Variants in STK11 observed in about 807,000 individuals in gnomAD.
The protein encoded by STK11 is serine/threonine kinase 11, also known as serine/threonine-protein kinase STK11.
STK11 carries 8 observed loss-of-function variants against 47.3 expected under a neutral mutation model. The observed-to-expected ratio is 0.17, with a 90% CI of 0.10 to 0.31. STK11 has a LOEUF of 0.31. Ranked by LOEUF, STK11 falls within the 10% of genes least tolerant of loss-of-function variation. STK11 has a pLI of 1.00. For missense variants in STK11, 475 were observed against 605.0 expected (o/e 0.79, Z 2.25); for synonymous variants, 330 against 255.8 (o/e 1.29, Z -2.77).
intron 7 of STK11, among the ~76,000 whole-genome samples, chr19:1,222,369 C>T (rs2080790947): frequency 6.6e-6 from 1 of 152,202 alleles, no homozygotes. Flanking sequence ...CAGCCCAGGG[C>T]CCCCAGCTCC....
chr19:1,216,024 C>T lies in STK11; in HGVS notation c.291-2393C>T, dbSNP rs532590926. On this transcript the variant is annotated intron_variant, in intron 1 of 9. Coordinates refer to ENST00000326873, the MANE Select transcript of STK11 (RefSeq NM_000455.5). ...TCGGGATTACAGGCGTGAGTCACCG[C>T]GCCTGGCCCCCCAGCTGTTTTTTAT... 1.8e-4 allele frequency among the ~76,000 whole-genome samples: 28 copies of T among 151,980 alleles called. 2 individuals carry two copies. The South Asian group carries it at 5.2e-3, about 28-fold the overall frequency.
At position 1,219,339 on chromosome 19, in the gene STK11, G is replaced by C; in HGVS notation, c.390G>C (p.Glu130Asp). 1 of 1,591,270 alleles carries C rather than the reference G, an allele frequency of 6.3e-7. No individual in the cohort carries two copies. The highest frequency in any genetic ancestry group is 8.6e-7 in the Non-Finnish European group (1 of 1,169,556). ...EEKQKMYMVM[E>D]YCVCGMQEML... is the part of the protein sequence containing the mutation. Reference sequence around the variant, plus strand: ...AGCGCCCCACGTATATGGTGATGGAGTACTGCGTGTGTGGCATGCAGGAAA... The same window carrying C: ...AGCGCCCCACGTATATGGTGATGGACTACTGCGTGTGTGGCATGCAGGAAA... The change falls in exon 3 of 10, where the codon GAG (glutamate) becomes GAC (aspartate). Residue 130 changes from glutamate to aspartate, a missense_variant. Physicochemically the swap from Glu to Asp is conservative, Grantham distance 45. This residue lies in a region of STK11 where 46 missense variants were observed against 45.5 expected (regional missense o/e 1.01). Coordinates refer to ENST00000326873, the MANE Select transcript of STK11 (RefSeq NM_000455.5).
chr19:1,213,651 G>A (rs1458301665), intron 1 of STK11, among the ~76,000 whole-genome samples: 8 of 152,220 alleles, frequency 5.3e-5, no homozygotes, highest in African/African-American at 1.4e-4. Flanking sequence ...GGAGGGCCAC[G>A]CTGCGTTTGA....
At chr19:1,225,950 G>A in intron 8 of STK11, 21 of 992,958 alleles carry the variant, frequency 2.1e-5, no homozygotes, top group Non-Finnish European at 2.5e-5. Context: ...GGGGGCAGCT[G>A]GGGGCCCTGG....
intron 1 of STK11, among the ~76,000 whole-genome samples, chr19:1,213,410 C>T (rs184022561): frequency 6.6e-6 from 1 of 152,202 alleles, no homozygotes; most frequent in African/African-American, 2.4e-5. Flanking sequence ...AAGGAAACCC[C>T]GTCTCTGTCA....
intron 8 of STK11, chr19:1,224,251 AG>A: frequency 4.1e-6 from 4 of 985,012 alleles, no homozygotes; most frequent in Non-Finnish European, 4.8e-6. Context: ...GCCCCCCAGG[AG>A]GGTACAGCGT....
At chr19:1,225,234 C>G (rs939888488) in intron 8 of STK11, 1 of 985,232 alleles carries the variant, frequency 1.0e-6, no homozygotes, top group East Asian at 1.1e-4. Flanking sequence ...AAGCTCAGAC[C>G]TATGGGTGCA....
At chr19:1,221,120 C>T (rs937519049) in intron 5 of STK11, 93 bp from the exon 6 acceptor site, 45 of 1,545,276 alleles carry the variant, frequency 2.9e-5, no homozygotes, top group Middle Eastern at 1.7e-4. Flanking sequence ...CCAGCAGCCA[C>T]GGGACGCCTC....
At position 1,226,375 on chromosome 19, in the gene STK11, G is replaced by A. The variant is rs530690483; in HGVS notation, c.1109-79G>A. ...GGGCAGCAGCTGTAAGTGCGTCCCC[G>A]TGGTGGGGGCCAGCCAGGTCCCTGT... On this transcript the variant is annotated intron_variant, in intron 8 of 9. Transcript: ENST00000326873. The A allele has an allele frequency of 2.7e-4, 415 of 1,553,906 alleles. 1 individual carries two copies. In the African/African-American group the frequency reaches 5.0e-3, roughly 19 times the overall value.
chr19:1,226,076 G>T, intron 8 of STK11: 1 of 1,062,294 alleles, frequency 9.4e-7, no homozygotes, highest in Non-Finnish European at 1.1e-6. Context: ...GCGGCTCCTG[G>T]GCCTCTAGAA....
chr19:1,208,192 G>A (rs546791393), intron 1 of STK11, among the ~76,000 whole-genome samples: 3 of 152,048 alleles, frequency 2.0e-5, no homozygotes, highest in African/African-American at 7.2e-5. Context: ...AAGGAGGTCC[G>A]GGGAGGGGCT....
chr19:1,222,962 C>A (rs2145430505), intron 7 of STK11, 23 bp from the exon 8 acceptor site: 2 of 1,526,686 alleles, frequency 1.3e-6, no homozygotes, highest in Non-Finnish European at 1.8e-6. Context: ...CTGACAGGCG[C>A]CACTGCTTCT....
intron 1 of STK11, among the ~76,000 whole-genome samples, chr19:1,207,684 G>C (rs2080677647): frequency 6.6e-6 from 1 of 152,170 alleles, no homozygotes; most frequent in African/African-American, 2.4e-5. Context: ...GGGAACCCTG[G>C]GCTGCCAAAA....
chr19:1,226,530 A>G lies in STK11; in HGVS notation c.1185A>G (p.Thr395=), dbSNP rs370207155. The change falls in exon 9 of 10, where the codon ACA becomes ACG. Residue 395 remains threonine (T), a synonymous_variant. Coordinates refer to ENST00000326873, the MANE Select transcript of STK11 (RefSeq NM_000455.5). The part of the protein sequence containing the change: ...GLPKAVCMNG[T]EAAQLSTKSR... ...CCAAGGCCGTGTGTATGAACGGCAC[A>G]GAGGCGGCGCAGCTGAGCACCAAAT... is the stretch of plus-strand genomic sequence containing the variant. 7.3e-4 allele frequency: 1,178 copies of G among 1,608,100 alleles called. No individual in the cohort carries two copies. The highest frequency in any genetic ancestry group is 8.9e-4 in the Non-Finnish European group (1,050 of 1,178,178).
intron 8 of STK11, chr19:1,225,955 C>G: frequency 1.0e-6 from 1 of 991,700 alleles, no homozygotes; most frequent in African/African-American, 1.7e-5. Flanking sequence ...CAGCTGGGGG[C>G]CCTGGCAGGC....
At chr19:1,227,395 G>C (rs1043240328) in intron 9 of STK11, 198 bp from the exon 10 acceptor site, 18 of 403,070 alleles carry the variant, frequency 4.5e-5, no homozygotes, top group Middle Eastern at 9.3e-4. Flanking sequence ...GTCAGAGCCC[G>C]CCAGGCCCCA....
Position 1,223,100 on chromosome 19 carries a change from G to A in STK11, c.1036G>A (p.Gly346Ser), listed in dbSNP as rs375431906. Residue 346 changes from glycine to serine, a missense_variant, in exon 8 of 10, where the codon GGC (glycine) becomes AGC (serine). Gly to Ser is a moderately conservative substitution (Grantham distance 56). Transcript: ENST00000326873. ...TVVPYLEDLH[G>S]ADEDEDLFDI... ...GGTGCCGTACTTGGAGGACCTGCACGGCGCGGACGAGGACGAGGACCTCTT... is the reference window on the plus strand; with the variant it reads ...GGTGCCGTACTTGGAGGACCTGCACAGCGCGGACGAGGACGAGGACCTCTT... 11 of 1,611,044 alleles carry A rather than the reference G, an allele frequency of 6.8e-6. No individual in the cohort carries two copies. Among genetic ancestry groups the A allele is most frequent in the African/African-American group, 4.0e-5 (3 of 74,912 alleles).
chr19:1,216,992 TG>T (rs1467262498), intron 1 of STK11, among the ~76,000 whole-genome samples: 1 of 152,026 alleles, frequency 6.6e-6, no homozygotes, highest in African/African-American at 2.4e-5. Flanking sequence ...GATCCTCGTC[TG>T]TGGAAGGGCC....
rs79611644 is a variant in STK11 at position 1,212,159 on chromosome 19, C to T, written c.290+4956C>T. Among the ~76,000 whole-genome samples, 867 of 151,980 alleles carry T rather than the reference C, an allele frequency of 5.7e-3. 10 individuals carry two copies. Among genetic ancestry groups the T allele is most frequent in the African/African-American group, 0.02 (830 of 41,464 alleles). On this transcript the variant is annotated intron_variant, in intron 1 of 9. Coordinates refer to ENST00000326873, the MANE Select transcript of STK11 (RefSeq NM_000455.5). ...GCAGGCCTGGAATGTTGGTTCCTCT[C>T]TCAGGATCTGGGGCGCTGCTGTAGC...
Sources: allele counts gnomAD v4.1 joint callset (sites outside exome capture counted in the v4.1 genomes callset), GRCh38; gene constraint gnomAD v4.1.1; regional missense constraint gnomAD v4.1.1; transcripts MANE v1.5; gene names NCBI Gene and HGNC (gene_info 2026-07-23, HGNC 2026-07-21).